CDYL2: variants seen among roughly 807,000 people sequenced by gnomAD.
CDYL2 encodes the protein chromodomain Y like 2.
CDYL2 carries 23 observed loss-of-function variants against 49.4 expected under a neutral mutation model. The ratio of observed to expected loss-of-function variants is 0.47; its 90% CI spans 0.34 to 0.66. CDYL2 has a LOEUF of 0.66. Among genes scored for constraint, CDYL2 ranks in the 30% least tolerant of loss-of-function variants. CDYL2 has a pLI of 0.01. For missense variants in CDYL2, 678 were observed against 656.4 expected, an observed-to-expected ratio of 1.03 and a Z score of -0.36; for synonymous variants, 360 against 268.8, an observed-to-expected ratio of 1.34 and a Z score of -3.32.
chr16:80,733,292 C>G (rs1391042351), intron 1 of CDYL2, among the ~76,000 whole-genome samples: 4 of 152,204 alleles, frequency 2.6e-5, no homozygotes, highest in Admixed American at 6.5e-5. Flanking sequence ...TCAAAGGGGC[C>G]ATAGTTGCAG....
chr16:80,640,151 G>A (rs577136084), intron 2 of CDYL2, among the ~76,000 whole-genome samples: 2 of 152,276 alleles, frequency 1.3e-5, no homozygotes, highest in East Asian at 1.9e-4. Flanking sequence ...CTAAGGGAGT[G>A]CTGGTATCAC....
intron 6 of CDYL2, among the ~76,000 whole-genome samples, chr16:80,606,994 A>G (rs555031428): frequency 6.6e-6 from 1 of 152,218 alleles, no homozygotes. Flanking sequence ...CTTTATCAGC[A>G]GCGTGAGAAC....
At chr16:80,669,227 CAGGCCA>C (rs1909397207) in intron 2 of CDYL2, among the ~76,000 whole-genome samples, 1 of 151,952 alleles carries the variant, frequency 6.6e-6, no homozygotes, top group Non-Finnish European at 1.5e-5. Flanking sequence ...GGGAAGACGA[CAGGCCA>C]AGGTGACCGG....
rs1468747693 is a variant in CDYL2, at chr16:80,604,426, G to T, written c.1483C>A (p.Leu495Ile). ...LWSSSKGLDS[L>I]FSYLQDKIYE... ...ATTTTGTCCTGCAGGTAGCTGAAAA[G>T]GGAGTCAAGGCCTTTGGAGGAGCTC... The change falls in exon 7 of 7, where the codon CTT (leucine) becomes ATT (isoleucine). Residue 495 changes from leucine to isoleucine, a missense_variant. Physicochemically the swap from Leu to Ile is conservative, Grantham distance 5. Around this residue, in one of 3 missense-constraint regions of CDYL2, gnomAD observed 153 missense variants for 150.6 expected, o/e 1.02. Coordinates refer to ENST00000570137, the MANE Select transcript of CDYL2 (RefSeq NM_152342.4). 6.2e-7 allele frequency: 1 copy of T among 1,614,098 alleles called. No homozygotes were observed. The highest frequency in any genetic ancestry group is 1.3e-5 in the African/African-American group (1 of 74,930).
intron 1 of CDYL2, among the ~76,000 whole-genome samples, chr16:80,716,571 T>G (rs1904807344): frequency 6.6e-6 from 1 of 151,784 alleles, no homozygotes; most frequent in Non-Finnish European, 1.5e-5. Flanking sequence ...GATAGATGAC[T>G]GAATGAATGG....
intron 1 of CDYL2, among the ~76,000 whole-genome samples, chr16:80,737,871 G>T (rs1905592464): frequency 1.3e-5 from 2 of 152,110 alleles, no homozygotes; most frequent in Admixed American, 1.3e-4. Context: ...GGTTGTTGTT[G>T]TTGTTGTTGT....
In CDYL2 at chr16:80,633,111, G is replaced by T. The variant is rs754339035; in HGVS notation, c.742C>A (p.Arg248=). 1.9e-6 allele frequency: 3 copies of T among 1,614,152 alleles called. No individual in the cohort carries two copies. In the South Asian group the frequency reaches 3.3e-5, roughly 18 times the overall value. Residue 248 remains arginine (R), a synonymous_variant, in exon 3 of 7, where the codon CGG becomes AGG. Coordinates refer to ENST00000570137, the MANE Select transcript of CDYL2 (RefSeq NM_152342.4). ...TTCCGCACAACGATGTCTCGAAACC[G>T]ACAGTTGCTTTCATTCTGGCGGACA... is the stretch of plus-strand genomic sequence containing the variant. ...YSVRQNESNC[R]FRDIVVRKEE... is the part of the protein sequence containing the mutation.
At chr16:80,701,109 T>C (rs917570155) in intron 1 of CDYL2, among the ~76,000 whole-genome samples, 2 of 152,156 alleles carry the variant, frequency 1.3e-5, no homozygotes, top group Non-Finnish European at 2.9e-5. Flanking sequence ...CATTTGACTT[T>C]TGAGTATCCA....
At chr16:80,801,622 A>T (rs970999752) in intron 1 of CDYL2, among the ~76,000 whole-genome samples, 12 of 152,272 alleles carry the variant, frequency 7.9e-5, no homozygotes, top group Non-Finnish European at 1.5e-5. Context: ...CATTTTATGT[A>T]CACTTTAGTA....
chr16:80,674,062 A>T (rs922590812), intron 2 of CDYL2, among the ~76,000 whole-genome samples: 5 of 152,152 alleles, frequency 3.3e-5, no homozygotes, highest in African/African-American at 1.2e-4. Context: ...CCAGAACTAT[A>T]AGGGAAGAAG....
chr16:80,604,463 G>C lies in CDYL2; in HGVS notation c.1446C>G (p.Leu482=), dbSNP rs201036137. ...CTTTGGAGGAGCTCCAGAGCTGCTT[G>C]AGCATGAGGCATTCCTTCTCGTTCA... is the stretch of plus-strand genomic sequence containing the variant. ...EDVNEKECLM[L]KQLWSSSKGL... is the part of the protein sequence containing the mutation. Residue 482 remains leucine, a synonymous_variant, in exon 7 of 7, where the codon CTC becomes CTG. Transcript: ENST00000570137. 6.2e-7 allele frequency: 1 copy of C among 1,614,072 alleles called. No individual in the cohort carries two copies. Among genetic ancestry groups the C allele is most frequent in the African/African-American group, 1.3e-5 (1 of 74,936 alleles).
intron 1 of CDYL2, among the ~76,000 whole-genome samples, chr16:80,767,660 C>T (rs889117226): frequency 6.6e-6 from 1 of 152,228 alleles, no homozygotes; most frequent in South Asian, 2.1e-4. Flanking sequence ...AAGGTGGAAG[C>T]GGCCAAGGCT....
chr16:80,690,228 T>C (rs553964716), intron 1 of CDYL2, among the ~76,000 whole-genome samples: 4 of 152,286 alleles, frequency 2.6e-5, no homozygotes, highest in Non-Finnish European at 5.9e-5. Context: ...ATGGATTTAC[T>C]TCAAACAGAA....
chr16:80,781,376 C>A (rs753919424), intron 1 of CDYL2, among the ~76,000 whole-genome samples: 1 of 151,938 alleles, frequency 6.6e-6, no homozygotes, highest in Non-Finnish European at 1.5e-5. Context: ...AACAGAGCCC[C>A]CAAAATATAT....
intron 1 of CDYL2, among the ~76,000 whole-genome samples, chr16:80,783,062 C>T (rs1372215634): frequency 6.6e-6 from 1 of 151,984 alleles, no homozygotes; most frequent in South Asian, 2.1e-4. Context: ...TTTAAAACTA[C>T]AATTTGTGTG....
chr16:80,624,172 G>C (rs1409538643), intron 3 of CDYL2, among the ~76,000 whole-genome samples: 1 of 152,178 alleles, frequency 6.6e-6, no homozygotes, highest in African/African-American at 2.4e-5. Context: ...AAGGCAGTTG[G>C]CCAGGCTGAA....
In CDYL2 at chr16:80,776,904, G is replaced by A. The variant is rs184323408; in HGVS notation, c.24+27246C>T. ...ACGATCTCGACTCACTGCAACTTCC[G>A]CCTCCCAGATTCAAGCCATTCTCCT... On this transcript the variant is annotated intron_variant, in intron 1 of 6. Transcript: ENST00000570137. Among the ~76,000 whole-genome samples the A allele has an allele frequency of 3.3e-5, 5 of 151,056 alleles. No homozygotes were observed. The South Asian group carries it at 6.3e-4, about 19-fold the overall frequency.
At chr16:80,611,862 C>T (rs1406229088) in intron 5 of CDYL2, among the ~76,000 whole-genome samples, 2 of 152,252 alleles carry the variant, frequency 1.3e-5, no homozygotes, top group Admixed American at 1.3e-4. Context: ...GATGTTGGTG[C>T]AGAATCTGAC....
At chr16:80,758,932 T>C (rs1014382328) in intron 1 of CDYL2, among the ~76,000 whole-genome samples, 6 of 151,626 alleles carry the variant, frequency 4.0e-5, no homozygotes, top group African/African-American at 1.5e-4. Flanking sequence ...CTGGGTTCTA[T>C]AATATAAGAA....
Sources: gnomAD v4.1 joint callset for allele counts (sites outside exome capture counted in the v4.1 genomes callset) on GRCh38, gnomAD v4.1.1 for gene constraint, gnomAD v4.1.1 regional missense constraint, MANE v1.5 for transcripts, NCBI Gene and HGNC (gene_info 2026-07-23, HGNC 2026-07-21) for gene names.